KCNJ6: variants seen among roughly 807,000 people sequenced by gnomAD.
The protein encoded by KCNJ6 is potassium inwardly rectifying channel subfamily J member 6.
In KCNJ6, 9 loss-of-function variants were observed where a neutral mutation model predicts 34.2. The observed-to-expected ratio is 0.26, with a 90% CI of 0.16 to 0.46. The LOEUF (loss-of-function observed/expected upper bound fraction) is 0.46, where lower values mean the gene tolerates loss of function less well. Among genes scored for constraint, KCNJ6 ranks in the 20% least tolerant of loss-of-function variants. The probability of loss-of-function intolerance (pLI) is 1.00; values close to 1 mark genes in which losing one functional copy is unlikely to be tolerated. For missense variants in KCNJ6, 236 were observed against 531.3 expected (o/e 0.44, Z 5.46); for synonymous variants, 196 against 207.1 (o/e 0.95, Z 0.46).
chr21:37,910,334 C>T (rs2055861337), intron 1 of KCNJ6, among the ~76,000 whole-genome samples: 1 of 152,154 alleles, frequency 6.6e-6, no homozygotes. Context: ...CATTGTCAAA[C>T]TTGCACAAGT....
rs2054243714 is a variant in KCNJ6, at chr21:37,611,833, TAAACAATATCTAAAAAA to T, written c.*13309_*13325del. The stretch of plus-strand genomic sequence containing the variant: ...ATAGAGGAGAAGCCCCTCAACCTGA[TAAACAATATCTAAAAAA>T]AAAACCTTACAGCTAACATCATACT... On this transcript the variant is annotated 3_prime_UTR_variant, in exon 4 of 4. Coordinates refer to ENST00000609713, the MANE Select transcript of KCNJ6 (RefSeq NM_002240.5). 1 of 151,420 alleles carries T rather than the reference TAAACAATATCTAAAAAA, an allele frequency of 6.6e-6. No individual in the cohort carries two copies. The highest frequency in any genetic ancestry group is 2.1e-4 in the South Asian group (1 of 4,806). 9.4% of individuals were successfully genotyped at this position (151,420 alleles called of 1,614,324 possible). A position where few individuals can be genotyped will look rare whatever the true frequency, so the allele number is the denominator to read the frequency against.
At chr21:37,857,224 G>A (rs1183501263) in intron 1 of KCNJ6, among the ~76,000 whole-genome samples, 1 of 152,172 alleles carries the variant, frequency 6.6e-6, no homozygotes, top group Non-Finnish European at 1.5e-5. Context: ...TGTATGTAGA[G>A]GGAGGGCTAT....
At chr21:37,886,827 T>A (rs1456831750) in intron 1 of KCNJ6, among the ~76,000 whole-genome samples, 6 of 152,140 alleles carry the variant, frequency 3.9e-5, no homozygotes, top group Non-Finnish European at 7.4e-5. Context: ...TTCAGGTATC[T>A]TTTCCCCAGC....
chr21:37,800,260 G>T lies in KCNJ6; in HGVS notation c.25+40398C>A, dbSNP rs190977990. 2.6e-3 allele frequency among the ~76,000 whole-genome samples: 403 copies of T among 152,296 alleles called. 4 individuals carry two copies. Among genetic ancestry groups the T allele is most frequent in the African/African-American group, 9.2e-3 (384 of 41,566 alleles). On this transcript the variant is annotated intron_variant, in intron 2 of 3. Transcript: ENST00000609713. Reference sequence around the variant, plus strand: ...AAGTTGCCCACTGAGTCCACACTGGGTTCTAGACAGAGAGGATGTGGCGTG... The same window carrying T: ...AAGTTGCCCACTGAGTCCACACTGGTTTCTAGACAGAGAGGATGTGGCGTG...
chr21:37,914,519 C>T (rs571198172), intron 1 of KCNJ6, among the ~76,000 whole-genome samples: 1 of 152,350 alleles, frequency 6.6e-6, no homozygotes, highest in East Asian at 1.9e-4. Context: ...CTGGGACCCG[C>T]CACAGGGCAC....
At chr21:37,748,021 G>A (rs2054976188) in intron 2 of KCNJ6, among the ~76,000 whole-genome samples, 1 of 152,156 alleles carries the variant, frequency 6.6e-6, no homozygotes, top group Admixed American at 6.5e-5. Flanking sequence ...GGATATAGAG[G>A]AAATGTACCC....
Position 37,687,810 on chromosome 21 carries a change from C to T in KCNJ6, c.946+26401G>A, listed in dbSNP as rs139413119. On this transcript the variant is annotated intron_variant, in intron 3 of 3. Transcript: ENST00000609713. ...CGGTCTTAGATGCTGGGATGGACTG[C>T]ACGGGCATTGTGGCATCTTCTGTGA... Among the ~76,000 whole-genome samples the T allele has an allele frequency of 3.8e-3, 581 of 152,250 alleles. 4 individuals are homozygous for T. Among genetic ancestry groups the T allele is most frequent in the African/African-American group, 0.013 (550 of 41,530 alleles).
Position 37,810,048 on chromosome 21 carries a change from G to A in KCNJ6, c.25+30610C>T, listed in dbSNP as rs113180021. ...CAGCATAGCCTATCCTACCTAACTA[G>A]TAAAATATCTTACCACCAGAAATAA... is the stretch of plus-strand genomic sequence containing the variant. On this transcript the variant is annotated intron_variant, in intron 2 of 3. Coordinates refer to ENST00000609713, the MANE Select transcript of KCNJ6 (RefSeq NM_002240.5). Among the ~76,000 whole-genome samples, 800 of 152,264 alleles carry A rather than the reference G, an allele frequency of 5.3e-3. 7 individuals are homozygous for A. The highest frequency in any genetic ancestry group is 0.019 in the African/African-American group (775 of 41,536).
chr21:37,840,811 G>C, intron 1 of KCNJ6, 102 bp from the exon 2 acceptor site: 2 of 632,682 alleles, frequency 3.2e-6, no homozygotes, highest in Non-Finnish European at 5.5e-6. Context: ...CTTTTTCCTA[G>C]GTCAGAATTT....
At chr21:37,761,280 T>C (rs1002045799) in intron 2 of KCNJ6, among the ~76,000 whole-genome samples, 1 of 150,610 alleles carries the variant, frequency 6.6e-6, no homozygotes, top group Non-Finnish European at 1.5e-5. Context: ...TGTGGTAGTG[T>C]AATGTGTGTA....
At chr21:37,737,438 T>G (rs1185676293) in intron 2 of KCNJ6, among the ~76,000 whole-genome samples, 2 of 151,018 alleles carry the variant, frequency 1.3e-5, no homozygotes, top group African/African-American at 4.9e-5. Context: ...AGAACGAAAG[T>G]CAAGAGGGCG....
rs546160128 is a variant in KCNJ6 at position 37,716,081 on chromosome 21, A to AT, written c.26-951dup. ...TGCATGTAACAGACTTGCAATCAAT[A>AT]TTTTTTTGTAATAAATTGTTCCCTT... On this transcript the variant is annotated intron_variant, in intron 2 of 3. Transcript: ENST00000609713. Among the ~76,000 whole-genome samples the AT allele has an allele frequency of 2.8e-3, 430 of 152,286 alleles. 1 individual carries two copies. The highest frequency in any genetic ancestry group is 4.8e-3 in the Non-Finnish European group (324 of 68,020).
intron 2 of KCNJ6, among the ~76,000 whole-genome samples, chr21:37,775,230 T>A (rs2055136537): frequency 6.6e-6 from 1 of 152,180 alleles, no homozygotes; most frequent in African/African-American, 2.4e-5. Context: ...GTTTGAGTTC[T>A]TTGTAGATTC....
chr21:37,652,212 T>A (rs2054436984), intron 3 of KCNJ6, among the ~76,000 whole-genome samples: 1 of 150,572 alleles, frequency 6.6e-6, no homozygotes, highest in Non-Finnish European at 1.5e-5. Context: ...CGGAGGAGAG[T>A]GGTTCCAGAA....
chr21:37,732,570 C>T (rs1156606074), intron 2 of KCNJ6, among the ~76,000 whole-genome samples: 1 of 152,166 alleles, frequency 6.6e-6, no homozygotes, highest in African/African-American at 2.4e-5. Context: ...ATGGGCAGGA[C>T]GTTTCCTCGT....
intron 1 of KCNJ6, among the ~76,000 whole-genome samples, chr21:37,911,570 C>A (rs1168971173): frequency 6.6e-6 from 1 of 152,142 alleles, no homozygotes; most frequent in Admixed American, 6.5e-5. Context: ...CTTAGAAAAA[C>A]CAACCTCACT....
chr21:37,688,490 T>C, intron 3 of KCNJ6, among the ~76,000 whole-genome samples: 1 of 151,944 alleles, frequency 6.6e-6, no homozygotes, highest in East Asian at 1.9e-4. Flanking sequence ...GAATATGAGG[T>C]CCAGGGAAAT....
intron 1 of KCNJ6, among the ~76,000 whole-genome samples, chr21:37,855,992 T>C (rs2055563241): frequency 6.6e-6 from 1 of 151,716 alleles, no homozygotes; most frequent in Non-Finnish European, 1.5e-5. Flanking sequence ...GGAGAGGGGG[T>C]GGAAGCAGGA....
At chr21:37,904,772 T>C (rs761071429) in intron 1 of KCNJ6, among the ~76,000 whole-genome samples, 1 of 152,190 alleles carries the variant, frequency 6.6e-6, no homozygotes, top group Non-Finnish European at 1.5e-5. Context: ...CAAGCAACAT[T>C]GTTTTTGCAC....
Sources: allele counts gnomAD v4.1 joint callset (sites outside exome capture counted in the v4.1 genomes callset), GRCh38; gene constraint gnomAD v4.1.1; transcripts MANE v1.5; gene names NCBI Gene and HGNC (gene_info 2026-07-23, HGNC 2026-07-21).